Variants in RABEPK observed in about 807,000 individuals in gnomAD.
RABEPK encodes 40 kDa Rab9 effector protein.
RABEPK carries 27 observed loss-of-function variants against 34.1 expected under a neutral mutation model. That is an observed-to-expected ratio of 0.79 (90% CI 0.58 to 1.09). The LOEUF (loss-of-function observed/expected upper bound fraction) is 1.09, where lower values mean the gene tolerates loss of function less well. Among genes scored for constraint, RABEPK ranks in the 50% least tolerant of loss-of-function variants. The pLI is 0.00. For missense variants in RABEPK, 449 were observed against 462.6 expected (o/e 0.97, Z 0.27); for synonymous variants, 172 against 169.2 (o/e 1.02, Z -0.13).
At chr9:125,204,062 CG>C (rs1454763127) in intron 2 of RABEPK, among the ~76,000 whole-genome samples, 2 of 146,266 alleles carry the variant, frequency 1.4e-5, no homozygotes, top group African/African-American at 5.1e-5. Context: ...AGGCCGGGCA[CG>C]GTGGCTCATG....
At chr9:125,205,660 T>C (rs556669021) in intron 2 of RABEPK, among the ~76,000 whole-genome samples, 1 of 152,282 alleles carries the variant, frequency 6.6e-6, no homozygotes, top group East Asian at 1.9e-4. Flanking sequence ...CAGGTAATTT[T>C]TGTATTTTTA....
intron 3 of RABEPK, among the ~76,000 whole-genome samples, chr9:125,210,783 C>T (rs1450370632): frequency 1.3e-5 from 2 of 150,856 alleles, no homozygotes; most frequent in African/African-American, 4.9e-5. Flanking sequence ...ACAATGGTGA[C>T]CCACTTACGT....
rs749297246 is a variant in RABEPK, at chr9:125,203,008, G to T, written c.-6G>T. On this transcript the variant is annotated splice_region_variant and 5_prime_UTR_variant, in exon 2 of 8. Coordinates refer to ENST00000373538, the MANE Select transcript of RABEPK (RefSeq NM_005833.4). The stretch of plus-strand genomic sequence containing the variant: ...AAGTGCCTTTCTTTCTTATGCATAG[G>T]ACACCATGAAGCAACTGCCAGTCTT... 2.5e-6 allele frequency: 4 copies of T among 1,613,472 alleles called. No individual in the cohort carries two copies. In the South Asian group the frequency reaches 4.4e-5, roughly 18 times the overall value.
intron 3 of RABEPK, among the ~76,000 whole-genome samples, chr9:125,210,994 G>A (rs1235493942): frequency 6.7e-6 from 1 of 150,276 alleles, no homozygotes; most frequent in African/African-American, 2.4e-5. Flanking sequence ...CAGCACTTTG[G>A]GAGGCCGAGG....
At chr9:125,206,660 G>A (rs1288479028) in intron 2 of RABEPK, among the ~76,000 whole-genome samples, 1 of 152,212 alleles carries the variant, frequency 6.6e-6, no homozygotes, top group East Asian at 1.9e-4. Flanking sequence ...AGGAATCACT[G>A]GCTAGTGGCA....
chr9:125,208,874 C>T lies in RABEPK; in HGVS notation c.211+1153C>T, dbSNP rs1267940092. Among the ~76,000 whole-genome samples the T allele has an allele frequency of 8.6e-5, 13 of 151,978 alleles. No homozygotes were observed. The East Asian group carries it at 2.5e-3, about 29-fold the overall frequency. The stretch of plus-strand genomic sequence containing the variant: ...CTTTATCCATGTCTGTCCATTTCCA[C>T]TACTACTACTGTAGTCCAAGCCACT... On this transcript the variant is annotated intron_variant, in intron 3 of 7. Transcript: ENST00000373538.
At chr9:125,215,957 A>G (rs561812163) in intron 4 of RABEPK, among the ~76,000 whole-genome samples, 2 of 152,292 alleles carry the variant, frequency 1.3e-5, no homozygotes, top group South Asian at 4.1e-4. Flanking sequence ...TCAGTTTTAA[A>G]CATTGCTAAT....
At chr9:125,233,643 A>T (rs745527635) in intron 7 of RABEPK, 45 bp from the exon 8 acceptor site, 2 of 1,581,246 alleles carry the variant, frequency 1.3e-6, no homozygotes, top group Non-Finnish European at 1.7e-6. Context: ...TGCCCGGCCT[A>T]TCTGGAAATT....
At chr9:125,204,031 CAAA>C (rs111335703) in intron 2 of RABEPK, among the ~76,000 whole-genome samples, 129 of 82,200 alleles carry the variant, frequency 1.6e-3, no homozygotes, top group South Asian at 3.6e-3. Context: ...GAATCCGTTT[CAAA>C]AAAAAAAAAA....
intron 2 of RABEPK, among the ~76,000 whole-genome samples, chr9:125,205,948 T>G (rs200884649): frequency 7.1e-6 from 1 of 139,912 alleles, no homozygotes; most frequent in Admixed American, 7.1e-5. Flanking sequence ...AAAAGAGAAT[T>G]GAGAATGACG....
At chr9:125,204,676 T>G (rs906060520) in intron 2 of RABEPK, among the ~76,000 whole-genome samples, 2 of 152,230 alleles carry the variant, frequency 1.3e-5, no homozygotes, top group Non-Finnish European at 2.9e-5. Context: ...ATCCCATGAC[T>G]TGTTCCTTTG....
At chr9:125,214,779 A>G (rs1424754740) in intron 4 of RABEPK, among the ~76,000 whole-genome samples, 2 of 142,052 alleles carry the variant, frequency 1.4e-5, no homozygotes, top group Non-Finnish European at 3.0e-5. Context: ...TAAGGCTATT[A>G]CCAATTTTCT....
At chr9:125,219,339 G>A (rs553876646) in intron 4 of RABEPK, among the ~76,000 whole-genome samples, 61 of 150,382 alleles carry the variant, frequency 4.1e-4, no homozygotes, top group African/African-American at 1.5e-3. Context: ...TAGGGTTACA[G>A]GCCTTACAGC....
At position 125,207,617 on chromosome 9, in the gene RABEPK, G is replaced by T; in HGVS notation, c.107G>T (p.Cys36Phe). 6.2e-7 allele frequency: 1 copy of T among 1,614,122 alleles called. No homozygotes were observed. The highest frequency in any genetic ancestry group is 2.2e-5 in the East Asian group (1 of 44,882). ...DSPCARVGHS[C>F]SYLPPVGNAK... Reference sequence around the variant, plus strand: ...CCCTGTGCTCGAGTTGGCCACAGCTGTTCATATTTACCCCCAGTTGGTAAT... The same window carrying T: ...CCCTGTGCTCGAGTTGGCCACAGCTTTTCATATTTACCCCCAGTTGGTAAT... The change falls in exon 3 of 8, where the codon TGT (cysteine) becomes TTT (phenylalanine). Residue 36 changes from cysteine to phenylalanine, a missense_variant. Cys to Phe is a radical substitution (Grantham distance 205). Transcript: ENST00000373538.
intron 6 of RABEPK, among the ~76,000 whole-genome samples, chr9:125,230,935 A>G (rs889817660): frequency 6.6e-6 from 1 of 152,104 alleles, no homozygotes; most frequent in African/African-American, 2.4e-5. Context: ...GTTAGGAACT[A>G]CTTGTTGACT....
intron 4 of RABEPK, among the ~76,000 whole-genome samples, chr9:125,218,127 C>T (rs1349689401): frequency 6.9e-6 from 1 of 144,654 alleles, no homozygotes; most frequent in East Asian, 2.0e-4. Context: ...CTGGCTAACA[C>T]GGTGAAACTC....
intron 3 of RABEPK, among the ~76,000 whole-genome samples, 191 bp from the exon 4 acceptor site, chr9:125,213,179 G>T (rs1362473831): frequency 6.6e-6 from 1 of 152,142 alleles, no homozygotes. Context: ...ATAGAACGGG[G>T]TCTATGGACT....
At chr9:125,215,405 G>T (rs1221893449) in intron 4 of RABEPK, among the ~76,000 whole-genome samples, 1 of 151,086 alleles carries the variant, frequency 6.6e-6, no homozygotes, top group Non-Finnish European at 1.5e-5. Context: ...GACCACCCAG[G>T]CTCAGGTGAA....
At chr9:125,232,802 A>G in intron 7 of RABEPK, 57 bp downstream of exon 7, 1 of 1,547,968 alleles carries the variant, frequency 6.5e-7, no homozygotes, top group South Asian at 1.2e-5. Flanking sequence ...TTGAAACGTG[A>G]TGCGGTGGCT....
Sources: gnomAD v4.1 joint callset for allele counts (sites outside exome capture counted in the v4.1 genomes callset) on GRCh38, gnomAD v4.1.1 for gene constraint, MANE v1.5 for transcripts, NCBI Gene and HGNC (gene_info 2026-07-23, HGNC 2026-07-21) for gene names.